Variants in MDH1 observed in about 807,000 individuals in gnomAD.
The protein encoded by MDH1 is malate dehydrogenase, cytoplasmic.
In MDH1, 15 loss-of-function variants were observed where a neutral mutation model predicts 38.7. The observed-to-expected ratio is 0.39, with a 90% CI of 0.26 to 0.60. MDH1 has a LOEUF of 0.60. MDH1 is among the 20% of genes least tolerant of loss of function. The probability of loss-of-function intolerance (pLI) is 0.56; values close to 1 mark genes in which losing one functional copy is unlikely to be tolerated. For synonymous variants in MDH1, 144 were observed against 143.6 expected (o/e 1.00, Z -0.02); for missense variants, 368 against 405.2 (o/e 0.91, Z 0.79).
At chr2:63,606,422 T>G (rs1709528881) in intron 8 of MDH1, among the ~76,000 whole-genome samples, 1 of 152,206 alleles carries the variant, frequency 6.6e-6, no homozygotes, top group Admixed American at 6.5e-5. Flanking sequence ...AATTGTTCCT[T>G]TACTAAAATA....
chr2:63,602,347 G>GTTTTTTTTTTTT (rs144884000), intron 5 of MDH1, among the ~76,000 whole-genome samples: 5 of 104,004 alleles, frequency 4.8e-5, no homozygotes, highest in African/African-American at 7.3e-5. Context: ...GTTGGTTGGG[G>GTTTTTTTTTTTT]TTTTTTTTTT....
At chr2:63,589,214 G>T in intron 1 of MDH1, 168 bp downstream of exon 1, 1 of 1,574,938 alleles carries the variant, frequency 6.3e-7, no homozygotes, top group East Asian at 2.3e-5. Context: ...CCCAGTAATG[G>T]GAAGGGATTG....
intron 5 of MDH1, among the ~76,000 whole-genome samples, chr2:63,603,361 A>G (rs972616473): frequency 6.6e-6 from 1 of 152,174 alleles, no homozygotes; most frequent in Non-Finnish European, 1.5e-5. Context: ...CTTTTCTTAC[A>G]TGGTAAATAC....
intron 8 of MDH1, among the ~76,000 whole-genome samples, chr2:63,606,250 A>C (rs1024494876): frequency 1.2e-4 from 18 of 152,108 alleles, no homozygotes; most frequent in African/African-American, 3.6e-4. Context: ...GCATGGTGGC[A>C]CACATCTGTG....
At chr2:63,599,328 A>T in intron 5 of MDH1, 36 bp downstream of exon 5, 1 of 1,582,464 alleles carries the variant, frequency 6.3e-7, no homozygotes, top group Non-Finnish European at 8.6e-7. Flanking sequence ...GTGGTTGTTC[A>T]ACTTTAAAAC....
At position 63,604,699 on chromosome 2, in the gene MDH1, G is replaced by A; in HGVS notation, c.502G>A (p.Ala168Thr). ...LDHNRAKAQI[A>T]LKLGVTANDV... ...TATTTGTTTTCAATTTAACTAGATT[G>A]CTCTTAAACTTGGTGTGACTGCTAA... Residue 168 changes from alanine to threonine, a missense_variant, in exon 6 of 9, where the codon GCT becomes ACT. Ala to Thr is a moderately conservative substitution (Grantham distance 58). Coordinates refer to ENST00000233114, the MANE Select transcript of MDH1 (RefSeq NM_005917.4). 2 of 1,612,354 alleles carry A rather than the reference G, an allele frequency of 1.2e-6. No homozygotes were observed. The highest frequency in any genetic ancestry group is 1.7e-6 in the Non-Finnish European group (2 of 1,179,076).
At chr2:63,599,572 T>C (rs891893622) in intron 5 of MDH1, 9 of 217,856 alleles carry the variant, frequency 4.1e-5, no homozygotes, top group Non-Finnish European at 8.2e-5. Context: ...GTTCTCTTGT[T>C]ACAGTGGTTA....
chr2:63,597,557 G>T lies in MDH1; in HGVS notation c.358G>T (p.Ala120Ser), dbSNP rs754634638. ...CCAGGGTGCAGCCTTAGATAAATAC[G>T]CCAAGAAGTCAGTTAAGGTGACCAA... ...KSQGAALDKY[A>S]KKSVKVIVVG... Residue 120 changes from alanine to serine, a missense_variant, in exon 4 of 9, where the codon GCC becomes TCC. Transcript: ENST00000233114. 2.1e-6 allele frequency: 3 copies of T among 1,420,116 alleles called. No individual in the cohort carries two copies. The highest frequency in any genetic ancestry group is 1.7e-5 in the South Asian group (1 of 60,326). The allele number at this position is 1,420,116 out of a possible 1,614,324, so 88.0% of individuals were successfully genotyped here.
chr2:63,605,993 G>C lies in MDH1; in HGVS notation c.844G>C (p.Asp282His). The change falls in exon 8 of 9, where the codon GAT becomes CAT. Residue 282 changes from aspartate (D) to histidine (H), a missense_variant. Asp to His is a moderately conservative substitution (Grantham distance 81, BLOSUM62 -1). Coordinates refer to ENST00000233114, the MANE Select transcript of MDH1 (RefSeq NM_005917.4). Reference sequence around the variant, plus strand: ...TGATGGCAACTCCTATGGTGTTCCTGATGATCTGCTCTACTCATTCCCTGT... The same window carrying C: ...TGATGGCAACTCCTATGGTGTTCCTCATGATCTGCTCTACTCATTCCCTGT... ...ISDGNSYGVP[D>H]DLLYSFPVVI... is the part of the protein sequence containing the mutation. 6.2e-7 allele frequency: 1 copy of C among 1,614,144 alleles called. No homozygotes were observed. The highest frequency in any genetic ancestry group is 8.5e-7 in the Non-Finnish European group (1 of 1,180,004).
chr2:63,594,783 T>C, intron 2 of MDH1, 197 bp downstream of exon 2: 1 of 491,524 alleles, frequency 2.0e-6, no homozygotes, highest in Middle Eastern at 5.7e-4. Context: ...ACTTTGCAAA[T>C]GAGAACTCTT....
rs1373341179 is a variant in MDH1, at chr2:63,606,045, C to G, written c.879+17C>G. ...GTAATCAAGGTAAGGTATTTTGGAG[C>G]TATTTCCCTTCTTTGAGGAAGTAGT... On this transcript the variant is annotated intron_variant, in intron 8 of 8. Transcript: ENST00000233114. 3 of 1,596,878 alleles carry G rather than the reference C, an allele frequency of 1.9e-6. No homozygotes were observed. Among genetic ancestry groups the G allele is most frequent in the Non-Finnish European group, 2.6e-6 (3 of 1,164,362 alleles).
intron 1 of MDH1, among the ~76,000 whole-genome samples, chr2:63,591,674 C>T (rs886193546): frequency 2.0e-5 from 3 of 152,190 alleles, no homozygotes; most frequent in Non-Finnish European, 4.4e-5. Flanking sequence ...TTCCTTCATT[C>T]AACAAATACT....
At chr2:63,594,777 T>C (rs1709273383) in intron 2 of MDH1, 191 bp downstream of exon 2, 2 of 505,722 alleles carry the variant, frequency 4.0e-6, no homozygotes, top group Non-Finnish European at 7.1e-6. Context: ...GAAAACACTT[T>C]GCAAATGAGA....
In MDH1 at chr2:63,588,976, G is replaced by C; in HGVS notation, c.-68G>C. 1.2e-6 allele frequency: 2 copies of C among 1,610,914 alleles called. No homozygotes were observed. Among genetic ancestry groups the C allele is most frequent in the East Asian group, 2.2e-5 (1 of 44,870 alleles). ...CTCGCCCTCTCCGAGTCAGTTCCGC[G>C]GTAGAGGTGACCTGACTCTCTGAGG... On this transcript the variant is annotated 5_prime_UTR_variant, in exon 1 of 9. Transcript: ENST00000233114.
At chr2:63,598,820 C>A (rs372601617) in intron 4 of MDH1, among the ~76,000 whole-genome samples, 1 of 148,588 alleles carries the variant, frequency 6.7e-6, no homozygotes, top group Non-Finnish European at 1.5e-5. Flanking sequence ...CGTCCTTGTT[C>A]GTGAGAAATA....
intron 1 of MDH1, among the ~76,000 whole-genome samples, chr2:63,591,251 T>C (rs1207752210): frequency 1.3e-5 from 2 of 152,194 alleles, no homozygotes; most frequent in Non-Finnish European, 2.9e-5. Context: ...TCAGCAGGAC[T>C]CTCCCACCCT....
At chr2:63,593,919 A>G (rs563939081) in intron 1 of MDH1, among the ~76,000 whole-genome samples, 1 of 152,194 alleles carries the variant, frequency 6.6e-6, no homozygotes, top group South Asian at 2.1e-4. Flanking sequence ...TGCTTTTAAA[A>G]ATAATTTTCC....
At chr2:63,589,270 G>A in intron 1 of MDH1, 1 of 1,551,406 alleles carries the variant, frequency 6.4e-7, no homozygotes, top group South Asian at 1.2e-5. Flanking sequence ...GGACTCTGGA[G>A]AAGTAGTTGT....
chr2:63,589,215 G>T, intron 1 of MDH1, 169 bp downstream of exon 1: 1 of 1,574,048 alleles, frequency 6.4e-7, no homozygotes, highest in Admixed American at 1.9e-5. Context: ...CCAGTAATGG[G>T]AAGGGATTGA....
Sources: gnomAD v4.1 joint callset for allele counts (sites outside exome capture counted in the v4.1 genomes callset) on GRCh38, gnomAD v4.1.1 for gene constraint, MANE v1.5 for transcripts, NCBI Gene and HGNC (gene_info 2026-07-23, HGNC 2026-07-21) for gene names.